Variants in ANTXR2 observed in about 807,000 individuals in gnomAD.
ANTXR2 encodes anthrax toxin receptor 2.
A neutral mutation model predicts 73.7 loss-of-function variants in ANTXR2; 44 were observed. The observed-to-expected ratio is 0.60, with a 90% CI of 0.47 to 0.77. The LOEUF (loss-of-function observed/expected upper bound fraction) is 0.77. Among genes scored for constraint, ANTXR2 ranks in the 30% least tolerant of loss-of-function variants. The pLI, the probability that ANTXR2 is intolerant of heterozygous loss-of-function variation, is 0.00. For synonymous variants in ANTXR2, 217 were observed against 205.9 expected (o/e 1.05, Z -0.46); for missense variants, 604 against 592.5 (o/e 1.02, Z -0.20).
At chr4:80,014,579 T>TAA (rs1731751925) in intron 11 of ANTXR2, among the ~76,000 whole-genome samples, 3 of 151,610 alleles carry the variant, frequency 2.0e-5, no homozygotes, top group African/African-American at 4.8e-5. Context: ...AATATATATA[T>TAA]ATAAATAAAT....
chr4:79,907,352 A>AT lies in ANTXR2; in HGVS notation c.*76dup, dbSNP rs1348118613. On this transcript the variant is annotated 3_prime_UTR_variant, in exon 17 of 17. Transcript: ENST00000403729. ...TCCAAAAGCTTCTGAAATGCACTTGATTTTTTTCATTTGGTTGAAAATCAG... is the reference window on the plus strand; with the variant it reads ...TCCAAAAGCTTCTGAAATGCACTTGATTTTTTTTCATTTGGTTGAAAATCAG... 11 of 1,497,016 alleles carry AT rather than the reference A, an allele frequency of 7.3e-6. No individual in the cohort carries two copies. The highest frequency in any genetic ancestry group is 4.5e-5 in the East Asian group (2 of 44,168). 92.7% of individuals were successfully genotyped at this position (1,497,016 alleles called of 1,614,324 possible). A position where few individuals can be genotyped will look rare whatever the true frequency, so the allele number is the denominator to read the frequency against.
Position 79,907,226 on chromosome 4 carries a change from C to A in ANTXR2, c.*203G>T. ...CATGAGTTACCACTGAGTTTCATCACCTCCCATGTAGATGGCAGAACAAGT... is the reference window on the plus strand; with the variant it reads ...CATGAGTTACCACTGAGTTTCATCAACTCCCATGTAGATGGCAGAACAAGT... On this transcript the variant is annotated 3_prime_UTR_variant, in exon 17 of 17. Transcript: ENST00000403729. 1.6e-6 allele frequency: 1 copy of A among 612,252 alleles called. No homozygotes were observed. Among genetic ancestry groups the A allele is most frequent in the Non-Finnish European group, 2.9e-6 (1 of 350,172 alleles). 37.9% of individuals were successfully genotyped at this position (612,252 alleles called of 1,614,324 possible).
In ANTXR2 at chr4:79,907,318, A is replaced by G; in HGVS notation, c.*111T>C. ...AACATTTCCCGACTGAGAGGAATTAAGCTGCTCTTCCAAAAGCTTCTGAAA... is the reference window on the plus strand; with the variant it reads ...AACATTTCCCGACTGAGAGGAATTAGGCTGCTCTTCCAAAAGCTTCTGAAA... On this transcript the variant is annotated 3_prime_UTR_variant, in exon 17 of 17. Transcript: ENST00000403729. The G allele has an allele frequency of 1.7e-6, 2 of 1,161,176 alleles. No homozygotes were observed. Among genetic ancestry groups the G allele is most frequent in the Non-Finnish European group, 2.5e-6 (2 of 784,908 alleles). The allele number at this position is 1,161,176 out of a possible 1,614,324, so 71.9% of individuals were successfully genotyped here. A position where few individuals can be genotyped will look rare whatever the true frequency, so the allele number is the denominator to read the frequency against.
At chr4:80,057,001 A>C (rs1734029729) in intron 3 of ANTXR2, among the ~76,000 whole-genome samples, 1 of 151,988 alleles carries the variant, frequency 6.6e-6, no homozygotes, top group Non-Finnish European at 1.5e-5. Context: ...AAGATATCTT[A>C]AGATATTGTT....
intron 16 of ANTXR2, among the ~76,000 whole-genome samples, chr4:79,929,342 A>G (rs1006275025): frequency 3.9e-5 from 6 of 152,092 alleles, no homozygotes; most frequent in Admixed American, 6.6e-5. Context: ...GCAAAACCCC[A>G]TCTCTACTAA....
intron 16 of ANTXR2, among the ~76,000 whole-genome samples, chr4:79,966,488 C>T (rs1729370727): frequency 1.3e-5 from 2 of 152,144 alleles, no homozygotes; most frequent in African/African-American, 4.8e-5. Flanking sequence ...TCCAAATTAG[C>T]TGTGCCAAAT....
At chr4:79,950,667 A>G (rs188172439) in intron 16 of ANTXR2, among the ~76,000 whole-genome samples, 1 of 152,292 alleles carries the variant, frequency 6.6e-6, no homozygotes, top group East Asian at 1.9e-4. Context: ...TTGACCCATG[A>G]GAGAGAAAAT....
At chr4:80,049,686 G>A (rs1299360866) in intron 7 of ANTXR2, among the ~76,000 whole-genome samples, 2 of 151,580 alleles carry the variant, frequency 1.3e-5, no homozygotes, top group African/African-American at 4.8e-5. Context: ...AACAGTTTTT[G>A]CTCTATTCTT....
chr4:79,976,604 C>A (rs980658912), intron 16 of ANTXR2, among the ~76,000 whole-genome samples: 4 of 152,238 alleles, frequency 2.6e-5, no homozygotes, highest in African/African-American at 9.6e-5. Context: ...GACTACAGAA[C>A]TGCCTCTGAG....
At chr4:80,001,340 C>T (rs1731024814) in intron 12 of ANTXR2, among the ~76,000 whole-genome samples, 1 of 139,920 alleles carries the variant, frequency 7.1e-6, no homozygotes, top group South Asian at 2.4e-4. Flanking sequence ...CAACAGTCCC[C>T]AGAGTGTGAT....
At chr4:79,911,301 C>A (rs895822188) in intron 16 of ANTXR2, among the ~76,000 whole-genome samples, 3 of 152,128 alleles carry the variant, frequency 2.0e-5, no homozygotes, top group African/African-American at 2.4e-5. Flanking sequence ...ACATACAACT[C>A]ATCAAAGAAC....
chr4:79,973,420 T>C (rs894362978), intron 16 of ANTXR2, among the ~76,000 whole-genome samples: 2 of 131,414 alleles, frequency 1.5e-5, no homozygotes, highest in African/African-American at 2.5e-5. Flanking sequence ...GACATAAATT[T>C]GGATTTTTTT....
At position 80,048,040 on chromosome 4, in the gene ANTXR2, G is replaced by A. The variant is rs577243363; in HGVS notation, c.636+6232C>T. On this transcript the variant is annotated intron_variant, in intron 7 of 16. Coordinates refer to ENST00000403729, the MANE Select transcript of ANTXR2 (RefSeq NM_058172.6). ...GTTCAAATATACCATAACTACATTA[G>A]AAAAATATAAAAACATTTTTAAGAA... 2.6e-5 allele frequency among the ~76,000 whole-genome samples: 4 copies of A among 151,578 alleles called. No individual in the cohort carries two copies. The East Asian group carries it at 7.8e-4, about 30-fold the overall frequency.
intron 16 of ANTXR2, among the ~76,000 whole-genome samples, chr4:79,926,889 G>A (rs1240644490): frequency 2.0e-5 from 3 of 150,508 alleles, no homozygotes; most frequent in African/African-American, 7.4e-5. Context: ...GTATATATAT[G>A]TGTGTATATA....
intron 3 of ANTXR2, among the ~76,000 whole-genome samples, chr4:80,059,266 C>T (rs1009085966): frequency 2.0e-5 from 3 of 151,550 alleles, no homozygotes; most frequent in Non-Finnish European, 4.4e-5. Flanking sequence ...ATTGGGGGAC[C>T]AAATTCCATT....
intron 16 of ANTXR2, among the ~76,000 whole-genome samples, chr4:79,959,345 TAGTA>T (rs1729058205): frequency 6.6e-6 from 1 of 152,118 alleles, no homozygotes; most frequent in African/African-American, 2.4e-5. Flanking sequence ...AATTTATAAG[TAGTA>T]AAATAACAAG....
At chr4:79,930,339 C>T (rs115171458) in intron 16 of ANTXR2, among the ~76,000 whole-genome samples, 2 of 152,140 alleles carry the variant, frequency 1.3e-5, no homozygotes, top group African/African-American at 4.8e-5. Flanking sequence ...ACTCTGATCC[C>T]TAAAACCTAC....
At chr4:80,068,728 C>T (rs1438827928) in intron 3 of ANTXR2, among the ~76,000 whole-genome samples, 1 of 152,142 alleles carries the variant, frequency 6.6e-6, no homozygotes, top group East Asian at 1.9e-4. Flanking sequence ...GCCAAGATAG[C>T]ACCACTGCAC....
rs935655728 is a variant in ANTXR2 at position 79,901,299 on chromosome 4, C to A, written c.*6130G>T. The A allele has an allele frequency of 2.0e-5, 3 of 152,056 alleles. No homozygotes were observed. The highest frequency in any genetic ancestry group is 7.2e-5 in the African/African-American group (3 of 41,402). 9.4% of individuals were successfully genotyped at this position (152,056 alleles called of 1,614,324 possible). On this transcript the variant is annotated 3_prime_UTR_variant, in exon 17 of 17. Transcript: ENST00000403729. ...TTTATATTGTGAGTTTTTCTTTCCCCAATTACTTATACAAATCAGATGGTG... is the reference window on the plus strand; with the variant it reads ...TTTATATTGTGAGTTTTTCTTTCCCAAATTACTTATACAAATCAGATGGTG...
Sources: gnomAD v4.1 joint callset for allele counts (sites outside exome capture counted in the v4.1 genomes callset) on GRCh38, gnomAD v4.1.1 for gene constraint, MANE v1.5 for transcripts, NCBI Gene and HGNC (gene_info 2026-07-23, HGNC 2026-07-21) for gene names.